CDKN2AIP: variants seen among roughly 807,000 people sequenced by gnomAD.
The protein encoded by CDKN2AIP is CDKN2A interacting protein.
A neutral mutation model predicts 44.1 loss-of-function variants in CDKN2AIP; 12 were observed. The ratio of observed to expected loss-of-function variants is 0.27; its 90% CI spans 0.17 to 0.44. CDKN2AIP has a LOEUF of 0.44. CDKN2AIP is among the 20% of genes least tolerant of loss of function. The pLI is 1.00. For missense variants in CDKN2AIP, 705 were observed against 681.6 expected (o/e 1.03, Z -0.38); for synonymous variants, 291 against 272.1 (o/e 1.07, Z -0.68).
Position 183,448,599 on chromosome 4 carries a change from C to G in CDKN2AIP, c.*1172C>G, listed in dbSNP as rs1733733389. On this transcript the variant is annotated 3_prime_UTR_variant, in exon 3 of 3. Coordinates refer to ENST00000504169, the MANE Select transcript of CDKN2AIP (RefSeq NM_017632.4). ...AAGATGTTATTTTTGTGGTTTCTGGCTTTCTAGATTCTATTTTTAGATACT... is the reference window on the plus strand; with the variant it reads ...AAGATGTTATTTTTGTGGTTTCTGGGTTTCTAGATTCTATTTTTAGATACT... 6.6e-6 allele frequency among the ~76,000 whole-genome samples: 1 copy of G among 151,978 alleles called. No individual in the cohort carries two copies. The highest frequency in any genetic ancestry group is 2.4e-5 in the African/African-American group (1 of 41,378).
At position 183,446,676 on chromosome 4, in the gene CDKN2AIP, C is replaced by T. The variant is rs1394243038; in HGVS notation, c.992C>T (p.Ser331Leu). 2.5e-6 allele frequency: 4 copies of T among 1,613,984 alleles called. No homozygotes were observed. In the African/African-American group the frequency reaches 4.0e-5, roughly 16 times the overall value. ...ACTAGTTCAGAGGCAAGTGTTTCAT[C>T]ATCAGTTGCTAAAAACAGTTCCTCA... ...SKTSSEASVS[S>L]SVAKNSSSSG... Residue 331 changes from serine (S) to leucine (L), a missense_variant, in exon 3 of 3, where the codon TCA (serine) becomes TTA (leucine). Around this residue, in one of 2 missense-constraint regions of CDKN2AIP, gnomAD observed 592 missense variants for 518.0 expected, o/e 1.14. Transcript: ENST00000504169.
At position 183,447,387 on chromosome 4, in the gene CDKN2AIP, A is replaced by T. The variant is rs749056419; in HGVS notation, c.1703A>T (p.Asn568Ile). 3.2e-6 allele frequency: 5 copies of T among 1,555,522 alleles called. No homozygotes were observed. The highest frequency in any genetic ancestry group is 2.5e-5 in the South Asian group (2 of 81,076). ...VLLDEESRPV[N>I]LPPALKHPQE... The stretch of plus-strand genomic sequence containing the variant: ...CTTGATGAAGAATCGAGGCCTGTAA[A>T]CTTACCTCCAGCACTAAAACATCCT... The change falls in exon 3 of 3, where the codon AAC becomes ATC. Residue 568 changes from asparagine to isoleucine, a missense_variant. Asn to Ile is a moderately radical substitution (Grantham distance 149). Around this residue, in one of 2 missense-constraint regions of CDKN2AIP, gnomAD observed 113 missense variants for 163.6 expected, o/e 0.69. Transcript: ENST00000504169.
In CDKN2AIP at chr4:183,447,265, A is replaced by G; in HGVS notation, c.1581A>G (p.Ala527=). ...GCAAAGAAAATGCAAAAGCAGTTGCATCAAGAGAAGCATTGAAGTTATTTC... is the reference window on the plus strand; with the variant it reads ...GCAAAGAAAATGCAAAAGCAGTTGCGTCAAGAGAAGCATTGAAGTTATTTC... ...GKSKENAKAV[A]SREALKLFLK... is the part of the protein sequence containing the mutation. Residue 527 remains alanine (A), a synonymous_variant, in exon 3 of 3, where the codon GCA becomes GCG. Coordinates refer to ENST00000504169, the MANE Select transcript of CDKN2AIP (RefSeq NM_017632.4). 6.2e-7 allele frequency: 1 copy of G among 1,612,646 alleles called. No homozygotes were observed. The highest frequency in any genetic ancestry group is 8.5e-7 in the Non-Finnish European group (1 of 1,179,628).
Position 183,446,972 on chromosome 4 carries a change from A to C in CDKN2AIP, c.1288A>C (p.Asn430His). 6.2e-7 allele frequency: 1 copy of C among 1,614,222 alleles called. No homozygotes were observed. Among genetic ancestry groups the C allele is most frequent in the Non-Finnish European group, 8.5e-7 (1 of 1,180,012 alleles). The change falls in exon 3 of 3, where the codon AAT becomes CAT. Residue 430 changes from asparagine to histidine, a missense_variant. Asn to His is a moderately conservative substitution (Grantham distance 68). Transcript: ENST00000504169. ...SSVKFSCKLTNEDVKQKQPFF... is the reference protein window; with the variant it reads ...SSVKFSCKLTHEDVKQKQPFF... Reference sequence around the variant, plus strand: ...TGTCAAATTCTCTTGCAAGTTAACCAATGAAGATGTGAAACAGAAGCAACC... The same window carrying C: ...TGTCAAATTCTCTTGCAAGTTAACCCATGAAGATGTGAAACAGAAGCAACC...
chr4:183,444,830 G>T lies in CDKN2AIP; in HGVS notation c.33G>T (p.Gln11His). 1 of 1,558,260 alleles carries T rather than the reference G, an allele frequency of 6.4e-7. No individual in the cohort carries two copies. Residue 11 changes from glutamine to histidine, a missense_variant, in exon 1 of 3, where the codon CAG becomes CAT. This residue lies in a region of CDKN2AIP where 592 missense variants were observed against 518.0 expected (regional missense o/e 1.14). Coordinates refer to ENST00000504169, the MANE Select transcript of CDKN2AIP (RefSeq NM_017632.4). MAQEVSEYLS[Q>H]NPRVAAWVEA... ...AGGAGGTGTCGGAGTACCTGAGCCA[G>T]AACCCGCGGGTGGCAGCCTGGGTGG...
chr4:183,445,182 G>T, intron 1 of CDKN2AIP, 113 bp downstream of exon 1: 2 of 1,335,864 alleles, frequency 1.5e-6, no homozygotes, highest in South Asian at 2.8e-5. Flanking sequence ...GTTGTGAAGC[G>T]CGGGAATCCG....
At chr4:183,445,705 A>G in intron 2 of CDKN2AIP, 40 bp downstream of exon 2, 2 of 1,531,132 alleles carry the variant, frequency 1.3e-6, no homozygotes, top group Non-Finnish European at 1.8e-6. Flanking sequence ...AGGAGTTTAG[A>G]GCATAAGTTT....
Position 183,444,952 on chromosome 4 carries a change from C to G in CDKN2AIP, c.155C>G (p.Ala52Gly). Residue 52 changes from alanine (A) to glycine (G), a missense_variant, in exon 1 of 3, where the codon GCT becomes GGT. Ala to Gly is a moderately conservative substitution (Grantham distance 60, BLOSUM62 0). Coordinates refer to ENST00000504169, the MANE Select transcript of CDKN2AIP (RefSeq NM_017632.4). The stretch of plus-strand genomic sequence containing the variant: ...GGGGACCTGGCCCCCGCTGGCGGCG[C>G]TGCCTCCGCTAGCACGGATGAAGCT... ...NAGDLAPAGG[A>G]ASASTDEAAD... 3 of 1,611,482 alleles carry G rather than the reference C, an allele frequency of 1.9e-6. No individual in the cohort carries two copies. Among genetic ancestry groups the G allele is most frequent in the Non-Finnish European group, 2.5e-6 (3 of 1,178,946 alleles).
At chr4:183,445,463 G>A (rs1173558430) in intron 1 of CDKN2AIP, 72 bp from the exon 2 acceptor site, 2 of 1,135,750 alleles carry the variant, frequency 1.8e-6, no homozygotes, top group East Asian at 5.0e-5. Context: ...TGCAGTCCCT[G>A]TGGCCTGTTT....
intron 2 of CDKN2AIP, 37 bp downstream of exon 2, chr4:183,445,702 T>G (rs923687614): frequency 1.9e-6 from 3 of 1,549,842 alleles, no homozygotes; most frequent in Non-Finnish European, 1.8e-6. Flanking sequence ...CATAGGAGTT[T>G]AGAGCATAAG....
Position 183,447,455 on chromosome 4 carries a change from A to T in CDKN2AIP, c.*28A>T. On this transcript the variant is annotated 3_prime_UTR_variant, in exon 3 of 3. Coordinates refer to ENST00000504169, the MANE Select transcript of CDKN2AIP (RefSeq NM_017632.4). The stretch of plus-strand genomic sequence containing the variant: ...TGTCCAAAATATCACTGCATACAAT[A>T]TCTGGTATTTGAAGAGAAAAACTGA... 6.9e-7 allele frequency: 1 copy of T among 1,458,256 alleles called. No homozygotes were observed. Among genetic ancestry groups the T allele is most frequent in the Non-Finnish European group, 9.2e-7 (1 of 1,090,802 alleles). 90.3% of individuals were successfully genotyped at this position (1,458,256 alleles called of 1,614,324 possible). A position where few individuals can be genotyped will look rare whatever the true frequency, so the allele number is the denominator to read the frequency against.
At chr4:183,445,979 A>T in intron 2 of CDKN2AIP, 109 bp from the exon 3 acceptor site, 1 of 894,002 alleles carries the variant, frequency 1.1e-6, no homozygotes, top group Non-Finnish European at 1.7e-6. Context: ...AGAAACGATT[A>T]GTCTTGAAAT....
chr4:183,445,453 T>C (rs1237253117), intron 1 of CDKN2AIP, 82 bp from the exon 2 acceptor site: 2 of 1,059,058 alleles, frequency 1.9e-6, no homozygotes, highest in Non-Finnish European at 2.8e-6. Flanking sequence ...AGCCAGGAAA[T>C]GCAGTCCCTG....
At position 183,444,702 on chromosome 4, in the gene CDKN2AIP, G is replaced by A; in HGVS notation, c.-96G>A. On this transcript the variant is annotated 5_prime_UTR_variant, in exon 1 of 3. Transcript: ENST00000504169. The stretch of plus-strand genomic sequence containing the variant: ...TAGGCCTGCGGAGGGGCGTTATCTG[G>A]AGGGCCGCGGGTGCAGGCCGCAGTG... The A allele has an allele frequency of 7.7e-7, 1 of 1,291,538 alleles. No homozygotes were observed. Among genetic ancestry groups the A allele is most frequent in the South Asian group, 1.6e-5 (1 of 63,776 alleles). The allele number at this position is 1,291,538 out of a possible 1,614,324, so 80.0% of individuals were successfully genotyped here.
At position 183,446,837 on chromosome 4, in the gene CDKN2AIP, T is replaced by C. The variant is rs982831205; in HGVS notation, c.1153T>C (p.Ser385Pro). The change falls in exon 3 of 3, where the codon TCC becomes CCC. Residue 385 changes from serine (S) to proline (P), a missense_variant. Coordinates refer to ENST00000504169, the MANE Select transcript of CDKN2AIP (RefSeq NM_017632.4). The stretch of plus-strand genomic sequence containing the variant: ...CTCCCAGACCAGTGGATCTCTGGTT[T>C]CCAAAAGCACTTCCTTAGCAAGTGT... ...SSSQTSGSLV[S>P]KSTSLASVSQ... 6.8e-6 allele frequency: 11 copies of C among 1,614,228 alleles called. No homozygotes were observed. The highest frequency in any genetic ancestry group is 5.0e-5 in the Admixed American group (3 of 60,018).
Position 183,446,992 on chromosome 4 carries a change from G to A in CDKN2AIP, c.1308G>A (p.Lys436=). 1 of 1,614,162 alleles carries A rather than the reference G, an allele frequency of 6.2e-7. No homozygotes were observed. The highest frequency in any genetic ancestry group is 8.5e-7 in the Non-Finnish European group (1 of 1,179,988). ...TAACCAATGAAGATGTGAAACAGAA[G>A]CAACCTTTTTTCAATAGACTATATA... ...CKLTNEDVKQ[K]QPFFNRLYKT... Residue 436 remains lysine (K), a synonymous_variant, in exon 3 of 3, where the codon AAG becomes AAA. Transcript: ENST00000504169.
chr4:183,445,302 T>C, intron 1 of CDKN2AIP: 1 of 632,160 alleles, frequency 1.6e-6, no homozygotes, highest in East Asian at 2.8e-5. Flanking sequence ...GTAGGGTTGC[T>C]TGTGTTAGGG....
rs1355242183 is a variant in CDKN2AIP, at chr4:183,447,605, T to A, written c.*178T>A. ...GTTGTAAATAATTTATGAATGACAG[T>A]ACACATTAAAAGGTATGCATTAGCA... On this transcript the variant is annotated 3_prime_UTR_variant, in exon 3 of 3. Coordinates refer to ENST00000504169, the MANE Select transcript of CDKN2AIP (RefSeq NM_017632.4). 4 of 488,228 alleles carry A rather than the reference T, an allele frequency of 8.2e-6. No homozygotes were observed. Among genetic ancestry groups the A allele is most frequent in the African/African-American group, 6.0e-5 (3 of 50,378 alleles). The allele number at this position is 488,228 out of a possible 1,614,324, so 30.2% of individuals were successfully genotyped here. A position where few individuals can be genotyped will look rare whatever the true frequency, so the allele number is the denominator to read the frequency against.
Position 183,448,759 on chromosome 4 carries a change from A to G in CDKN2AIP, c.*1332A>G, listed in dbSNP as rs1733736104. Among the ~76,000 whole-genome samples the G allele has an allele frequency of 6.6e-6, 1 of 152,184 alleles. No individual in the cohort carries two copies. Among genetic ancestry groups the G allele is most frequent in the African/African-American group, 2.4e-5 (1 of 41,450 alleles). On this transcript the variant is annotated 3_prime_UTR_variant, in exon 3 of 3. Coordinates refer to ENST00000504169, the MANE Select transcript of CDKN2AIP (RefSeq NM_017632.4). Reference sequence around the variant, plus strand: ...GTTATTCCTATTTTGTATTCTAGGAATAAAAAGATACTTTAATTTTTTATG... The same window carrying G: ...GTTATTCCTATTTTGTATTCTAGGAGTAAAAAGATACTTTAATTTTTTATG...
Sources: gnomAD v4.1 joint callset for allele counts (sites outside exome capture counted in the v4.1 genomes callset) on GRCh38, gnomAD v4.1.1 for gene constraint, gnomAD v4.1.1 regional missense constraint, MANE v1.5 for transcripts, NCBI Gene and HGNC (gene_info 2026-07-23, HGNC 2026-07-21) for gene names.